The following GRM5 variants were observed in gnomAD, a reference collection of about 807,000 sequenced individuals.
GRM5 encodes metabotropic glutamate receptor 5.
A neutral mutation model predicts 83.1 loss-of-function variants in GRM5; 19 were observed. The observed-to-expected ratio is 0.23, with a 90% CI of 0.16 to 0.34. The LOEUF (loss-of-function observed/expected upper bound fraction) is 0.34. GRM5 is among the 10% of genes least tolerant of loss of function. GRM5 has a pLI of 1.00. For synonymous variants in GRM5, 675 were observed against 633.6 expected (o/e 1.07, Z -0.98); for missense variants, 1,160 against 1,588.3 (o/e 0.73, Z 4.58).
At chr11:88,836,565 T>C (rs1212946144) in intron 3 of GRM5, among the ~76,000 whole-genome samples, 2 of 152,074 alleles carry the variant, frequency 1.3e-5, no homozygotes, top group Admixed American at 1.3e-4. Context: ...TTTGGGAAGA[T>C]GAGGTCACTG....
At chr11:88,967,238 TATATATACAC>T (rs1376145639) in intron 2 of GRM5, among the ~76,000 whole-genome samples, 3 of 131,852 alleles carry the variant, frequency 2.3e-5, no homozygotes, top group African/African-American at 8.9e-5. Flanking sequence ...TATGTATATA[TATATATACAC>T]ATATATATAT....
chr11:88,547,370 G>T (rs1942408150), intron 8 of GRM5, among the ~76,000 whole-genome samples: 1 of 152,116 alleles, frequency 6.6e-6, no homozygotes. Flanking sequence ...TGGGATGGTT[G>T]AATTCTCCAA....
At chr11:88,544,671 C>T (rs1023460167) in intron 8 of GRM5, among the ~76,000 whole-genome samples, 9 of 152,190 alleles carry the variant, frequency 5.9e-5, no homozygotes, top group Non-Finnish European at 1.2e-4. Flanking sequence ...AGCCTCAGTG[C>T]TCCTTTTCCT....
intron 2 of GRM5, among the ~76,000 whole-genome samples, chr11:89,007,795 G>A (rs1177292385): frequency 6.6e-6 from 1 of 152,180 alleles, no homozygotes; most frequent in African/African-American, 2.4e-5. Flanking sequence ...ATCAAGGTGA[G>A]AAGTAAAAGA....
chr11:88,803,917 C>A (rs1943448839), intron 3 of GRM5, among the ~76,000 whole-genome samples: 1 of 152,078 alleles, frequency 6.6e-6, no homozygotes, highest in South Asian at 2.1e-4. Flanking sequence ...TTTATGCAGC[C>A]AAAAACCACA....
At chr11:88,585,994 C>T (rs1046118675) in intron 7 of GRM5, among the ~76,000 whole-genome samples, 1 of 151,890 alleles carries the variant, frequency 6.6e-6, no homozygotes, top group African/African-American at 2.4e-5. Flanking sequence ...TTCTGGTGTT[C>T]CTAAGAATTT....
At chr11:88,512,488 G>C (rs1336133602) in intron 9 of GRM5, 1 of 153,840 alleles carries the variant, frequency 6.5e-6, no homozygotes, top group Non-Finnish European at 1.5e-5. Context: ...ATTCTATGAA[G>C]ACACAGATCT....
intron 3 of GRM5, among the ~76,000 whole-genome samples, chr11:88,848,090 T>G (rs1275564193): frequency 6.6e-6 from 1 of 152,174 alleles, no homozygotes; most frequent in African/African-American, 2.4e-5. Context: ...AGCTAGATTT[T>G]TTTTCTTTTC....
intron 3 of GRM5, among the ~76,000 whole-genome samples, chr11:88,777,207 G>A (rs2387411): frequency 0.53 from 80,134 of 151,954 alleles, 23,844 homozygotes; most frequent in Non-Finnish European, 0.7. Flanking sequence ...CATTGATACC[G>A]TTTCTTCCAC....
chr11:88,642,371 A>G (rs1012160219), intron 4 of GRM5, among the ~76,000 whole-genome samples: 1 of 152,098 alleles, frequency 6.6e-6, no homozygotes, highest in Admixed American at 6.6e-5. Context: ...AGCTGCCACA[A>G]GGGTCTCTGA....
intron 2 of GRM5, among the ~76,000 whole-genome samples, chr11:88,920,115 G>A (rs910816056): frequency 2.6e-5 from 4 of 151,870 alleles, no homozygotes; most frequent in African/African-American, 9.7e-5. Context: ...TGAAAAGATG[G>A]TTTTCTGAAA....
chr11:88,663,469 G>C (rs1274804834), intron 3 of GRM5, among the ~76,000 whole-genome samples: 1 of 152,146 alleles, frequency 6.6e-6, no homozygotes, highest in Admixed American at 6.5e-5. Flanking sequence ...CAAAAATTGA[G>C]GCTATTGTAT....
intron 4 of GRM5, among the ~76,000 whole-genome samples, chr11:88,638,049 G>A (rs187556245): frequency 0.056 from 8,469 of 150,570 alleles, 235 homozygotes; most frequent in Middle Eastern, 0.072. Context: ...GTAAACTATC[G>A]CAAGAACAAA....
At chr11:89,059,452 A>G (rs1351076314) in intron 1 of GRM5, among the ~76,000 whole-genome samples, 1 of 152,194 alleles carries the variant, frequency 6.6e-6, no homozygotes, top group African/African-American at 2.4e-5. Flanking sequence ...CAAAATTAGT[A>G]GAATTCAAAA....
intron 3 of GRM5, among the ~76,000 whole-genome samples, chr11:88,718,253 G>C (rs1941442904): frequency 6.6e-6 from 1 of 151,888 alleles, no homozygotes. Flanking sequence ...TAATGTTTTT[G>C]AGAGCAAAGG....
chr11:88,712,228 A>G (rs556450751), intron 3 of GRM5, among the ~76,000 whole-genome samples: 1 of 152,162 alleles, frequency 6.6e-6, no homozygotes, highest in Admixed American at 6.5e-5. Context: ...AACATATTGT[A>G]TGATTACTCT....
chr11:88,865,006 T>G (rs1283787311), intron 2 of GRM5, among the ~76,000 whole-genome samples: 1 of 151,954 alleles, frequency 6.6e-6, no homozygotes, highest in Non-Finnish European at 1.5e-5. Flanking sequence ...TTACAAGGGA[T>G]GTGAGGGAAC....
At position 88,955,562 on chromosome 11, in the gene GRM5, C is replaced by T. The variant is rs144384910; in HGVS notation, c.661+91650G>A. Among the ~76,000 whole-genome samples, 67 of 152,320 alleles carry T rather than the reference C, an allele frequency of 4.4e-4. No individual in the cohort carries two copies. In the East Asian group the frequency reaches 0.012, roughly 27 times the overall value. On this transcript the variant is annotated intron_variant, in intron 2 of 9. Transcript: ENST00000305447. ...TTTATTTCTCCACTCTCAACTTCTTCGTTAGCTTAAAATGCTTTTTTTCTA... is the reference window on the plus strand; with the variant it reads ...TTTATTTCTCCACTCTCAACTTCTTTGTTAGCTTAAAATGCTTTTTTTCTA...
intron 3 of GRM5, among the ~76,000 whole-genome samples, chr11:88,788,827 G>C (rs993580589): frequency 6.6e-6 from 1 of 152,174 alleles, no homozygotes; most frequent in African/African-American, 2.4e-5. Context: ...TTAAGTGGAA[G>C]ATGTGAGTAG....
Sources: allele counts gnomAD v4.1 joint callset (sites outside exome capture counted in the v4.1 genomes callset), GRCh38; gene constraint gnomAD v4.1.1; transcripts MANE v1.5; gene names NCBI Gene and HGNC (gene_info 2026-07-23, HGNC 2026-07-21).